The following DORIP1 variants were observed in gnomAD, a reference collection of about 807,000 sequenced individuals.
DORIP1 encodes dopamine receptor interacting protein 1.
chr14:44,900,502 T>G, the DORIP1 span: 2 of 1,585,002 alleles, frequency 1.3e-6, no homozygotes, highest in African/African-American at 2.7e-5. Flanking sequence ...TCGATCATTT[T>G]GTAGGCCTGT....
chr14:44,900,370 A>G, the DORIP1 span: 1 of 1,314,708 alleles, frequency 7.6e-7, no homozygotes, highest in Admixed American at 2.8e-5. Flanking sequence ...TCGTTTAAAC[A>G]TATTATGCAT....
chr14:44,903,468 A>G, the DORIP1 span: 16 of 1,287,782 alleles, frequency 1.2e-5, no homozygotes, highest in Non-Finnish European at 1.6e-5. Context: ...ACTACAGCTG[A>G]TTGATGAATA....
chr14:44,903,056 T>G, the DORIP1 span: 1 of 547,628 alleles, frequency 1.8e-6, no homozygotes, highest in Admixed American at 3.0e-5. Context: ...CTGGTTTCTA[T>G]ACTATCTGCA....
the DORIP1 span, chr14:44,904,522 G>C: frequency 6.3e-7 from 1 of 1,588,560 alleles, no homozygotes; most frequent in East Asian, 2.3e-5. Flanking sequence ...GGATTTGTCT[G>C]ATCACAAGTA....
At chr14:44,903,743 A>G in the DORIP1 span, 2 of 964,198 alleles carry the variant, frequency 2.1e-6, no homozygotes, top group Non-Finnish European at 2.5e-6. Context: ...GGATGATCTT[A>G]TTGCTGATTA....
At chr14:44,904,314 A>C in the DORIP1 span, 6 of 1,508,270 alleles carry the variant, frequency 4.0e-6, no homozygotes. Flanking sequence ...AAGAAAATTA[A>C]AGTCATAAAG....
At chr14:44,905,509 C>T in the DORIP1 span, 1 of 1,541,846 alleles carries the variant, frequency 6.5e-7, no homozygotes, top group Non-Finnish European at 8.8e-7. Flanking sequence ...AGAGTTTCTC[C>T]TCTTGTCATC....
the DORIP1 span, among the ~76,000 whole-genome samples, chr14:44,898,200 C>T: frequency 2.6e-5 from 4 of 152,166 alleles, no homozygotes; most frequent in African/African-American, 4.8e-5. Context: ...TAAAGCTCTT[C>T]ACAGCTATCT....
the DORIP1 span, among the ~76,000 whole-genome samples, chr14:44,899,570 G>T: frequency 1.3e-5 from 2 of 149,412 alleles, no homozygotes; most frequent in East Asian, 3.8e-4. Context: ...ATAGCAACAG[G>T]AGTTTTTTTT....
the DORIP1 span, chr14:44,905,665 G>A: frequency 1.4e-6 from 1 of 710,766 alleles, no homozygotes; most frequent in East Asian, 2.9e-5. Context: ...ACTAGTTTCA[G>A]AAGTGTATTT....
chr14:44,902,875 A>G, the DORIP1 span, among the ~76,000 whole-genome samples: 1 of 152,184 alleles, frequency 6.6e-6, no homozygotes, highest in Admixed American at 6.5e-5. Context: ...CAGGTAACTA[A>G]TCAGCTGCTC....
chr14:44,903,121 A>G, the DORIP1 span: 1 of 941,338 alleles, frequency 1.1e-6, no homozygotes, highest in Non-Finnish European at 1.7e-6. Context: ...TTTTGCTAAT[A>G]AAGGACTGAG....
chr14:44,899,603 C>A, the DORIP1 span, among the ~76,000 whole-genome samples: 1 of 151,302 alleles, frequency 6.6e-6, no homozygotes, highest in Non-Finnish European at 1.5e-5. Context: ...TTCTCTACAA[C>A]AAATAAAATA....
the DORIP1 span, chr14:44,903,599 A>T: frequency 7.8e-6 from 8 of 1,021,618 alleles, no homozygotes; most frequent in South Asian, 3.7e-4. Context: ...TGCACTCTCC[A>T]TTTAGGAGAA....
At chr14:44,904,563 TAATA>T in the DORIP1 span, 2 of 1,538,896 alleles carry the variant, frequency 1.3e-6, no homozygotes, top group Admixed American at 4.3e-5. Flanking sequence ...TTTATAAAAC[TAATA>T]AAAAAAATTT....
the DORIP1 span, chr14:44,898,810 C>G: frequency 5.9e-5 from 9 of 152,064 alleles, no homozygotes; most frequent in African/African-American, 1.9e-4. Context: ...TTGCTTCAAA[C>G]TGAAAACACT....
the DORIP1 span, chr14:44,904,101 A>G: frequency 9.1e-6 from 9 of 985,342 alleles, no homozygotes; most frequent in Non-Finnish European, 8.4e-6. Context: ...AGTGAAATAT[A>G]AAAGCGTTTG....
the DORIP1 span, chr14:44,904,137 C>T: frequency 1.0e-6 from 1 of 985,234 alleles, no homozygotes. Context: ...GTTATGCTTT[C>T]ATAGGCTTAT....
the DORIP1 span, among the ~76,000 whole-genome samples, chr14:44,897,975 T>G: frequency 6.6e-6 from 1 of 152,190 alleles, no homozygotes; most frequent in African/African-American, 2.4e-5. Flanking sequence ...CTTGGGCATG[T>G]GGTGGGGTCC....
Sources: gnomAD v4.1 joint callset for allele counts (sites outside exome capture counted in the v4.1 genomes callset) on GRCh38, gnomAD v4.1.1 for gene constraint, MANE v1.5 for transcripts, NCBI Gene and HGNC (gene_info 2026-07-23, HGNC 2026-07-21) for gene names.